The following TDP1 variants were observed in gnomAD, a reference collection of about 807,000 sequenced individuals.
TDP1 encodes tyrosyl-DNA phosphodiesterase 1.
A neutral mutation model predicts 81.5 loss-of-function variants in TDP1; 64 were observed. The ratio of observed to expected loss-of-function variants is 0.79; its 90% CI spans 0.64 to 0.97. The LOEUF (loss-of-function observed/expected upper bound fraction) is 0.97. Ranked by LOEUF, TDP1 falls within the 50% of genes least tolerant of loss-of-function variation. The pLI is 0.00. For missense variants in TDP1, 723 were observed against 743.8 expected, an observed-to-expected ratio of 0.97 and a Z score of 0.33; for synonymous variants, 256 against 264.3, an observed-to-expected ratio of 0.97 and a Z score of 0.30.
At chr14:90,028,796 G>A (rs1387794600) in intron 15 of TDP1, among the ~76,000 whole-genome samples, 1 of 152,126 alleles carries the variant, frequency 6.6e-6, no homozygotes, top group Non-Finnish European at 1.5e-5. Context: ...CATATCTGAG[G>A]TCGAATATCA....
At chr14:89,959,112 T>C (rs1892027358) in intron 2 of TDP1, among the ~76,000 whole-genome samples, 1 of 152,196 alleles carries the variant, frequency 6.6e-6, no homozygotes, top group Admixed American at 6.5e-5. Context: ...CAGGTCCCAA[T>C]CACTTCCACT....
chr14:89,983,278 T>A, intron 8 of TDP1: 1 of 374,046 alleles, frequency 2.7e-6, no homozygotes, highest in South Asian at 2.0e-5. Flanking sequence ...CCCAAAATGG[T>A]ATAGTCAGCT....
At chr14:90,029,480 T>C (rs1338524049) in intron 15 of TDP1, among the ~76,000 whole-genome samples, 9 of 149,508 alleles carry the variant, frequency 6.0e-5, no homozygotes, top group Middle Eastern at 3.5e-3. Context: ...ATTACAGGCA[T>C]GAGCCACCGC....
At chr14:89,993,995 T>C (rs933390615) in intron 14 of TDP1, among the ~76,000 whole-genome samples, 9 of 152,162 alleles carry the variant, frequency 5.9e-5, no homozygotes, top group African/African-American at 2.2e-4. Flanking sequence ...ATAATCTAAA[T>C]TTAGAATATT....
chr14:90,027,591 C>T (rs1422702381), intron 15 of TDP1, among the ~76,000 whole-genome samples: 1 of 152,136 alleles, frequency 6.6e-6, no homozygotes, highest in Non-Finnish European at 1.5e-5. Context: ...TCTGAAGTAA[C>T]TTGGTAAGAG....
At chr14:90,003,245 T>C (rs1418033857) in intron 14 of TDP1, among the ~76,000 whole-genome samples, 1 of 152,240 alleles carries the variant, frequency 6.6e-6, no homozygotes, top group Admixed American at 6.5e-5. Flanking sequence ...CATATGTGGT[T>C]AATTTTTAAA....
chr14:90,032,384 C>T (rs983193785), intron 15 of TDP1, among the ~76,000 whole-genome samples: 82 of 151,934 alleles, frequency 5.4e-4, no homozygotes, highest in African/African-American at 1.9e-3. Context: ...GAGAGACAGA[C>T]GGACAAGCAG....
At position 89,998,421 on chromosome 14, in the gene TDP1, T is replaced by A. The variant is rs1464781183; in HGVS notation, c.1541+4938T>A. Among the ~76,000 whole-genome samples the A allele has an allele frequency of 9.4e-4, 99 of 105,716 alleles. 1 individual carries two copies. Among genetic ancestry groups the A allele is most frequent in the Non-Finnish European group, 1.4e-3 (79 of 55,164 alleles). 69.4% of individuals were successfully genotyped at this position (105,716 alleles called of 152,430 possible). On this transcript the variant is annotated intron_variant, in intron 14 of 16. Coordinates refer to ENST00000335725, the MANE Select transcript of TDP1 (RefSeq NM_018319.4). ...ATATATATATATATATATATATATA[T>A]ATGTATGTATGTATGTATGTATATG...
chr14:89,981,171 C>T (rs1293612417), intron 8 of TDP1, among the ~76,000 whole-genome samples: 3 of 152,168 alleles, frequency 2.0e-5, no homozygotes, highest in Non-Finnish European at 4.4e-5. Context: ...CTAAATATTT[C>T]CCCACTCCCC....
intron 14 of TDP1, among the ~76,000 whole-genome samples, chr14:90,007,307 C>T (rs866887004): frequency 2.0e-5 from 3 of 152,004 alleles, no homozygotes; most frequent in African/African-American, 4.8e-5. Context: ...TGGCCGGACG[C>T]GGTGGCTCAC....
At chr14:89,970,195 G>T (rs188741703) in intron 5 of TDP1, among the ~76,000 whole-genome samples, 204 of 152,246 alleles carry the variant, frequency 1.3e-3, no homozygotes, top group African/African-American at 4.5e-3. Context: ...TTATTTCTAA[G>T]GATTATCTTG....
At chr14:89,986,394 T>G (rs1212415069) in intron 10 of TDP1, among the ~76,000 whole-genome samples, 1 of 152,232 alleles carries the variant, frequency 6.6e-6, no homozygotes, top group Non-Finnish European at 1.5e-5. Context: ...GAGGATTAAA[T>G]GAAATGATGA....
intron 6 of TDP1, 200 bp from the exon 7 acceptor site, chr14:89,975,581 G>GTGTT (rs1289662801): frequency 4.8e-5 from 13 of 269,280 alleles, no homozygotes; most frequent in African/African-American, 3.5e-4. Flanking sequence ...CAAAATTTGT[G>GTGTT]TTTTTTTTTT....
At chr14:89,980,483 G>T (rs1894843489) in intron 7 of TDP1, 57 bp from the exon 8 acceptor site, 1 of 1,522,292 alleles carries the variant, frequency 6.6e-7, no homozygotes, top group Non-Finnish European at 9.1e-7. Flanking sequence ...CATTGGAAAG[G>T]TATTACATAT....
At chr14:89,974,753 G>A (rs1894076103) in intron 6 of TDP1, among the ~76,000 whole-genome samples, 1 of 152,204 alleles carries the variant, frequency 6.6e-6, no homozygotes, top group Non-Finnish European at 1.5e-5. Flanking sequence ...AGAGTTAGAT[G>A]TATTTTCCAG....
intron 15 of TDP1, among the ~76,000 whole-genome samples, chr14:90,025,298 G>T (rs1886522983): frequency 6.6e-6 from 1 of 152,238 alleles, no homozygotes; most frequent in African/African-American, 2.4e-5. Flanking sequence ...AGCAGGTGGA[G>T]AACCAGCATT....
At chr14:90,026,503 C>T (rs1013838604) in intron 15 of TDP1, among the ~76,000 whole-genome samples, 4 of 152,206 alleles carry the variant, frequency 2.6e-5, no homozygotes, top group African/African-American at 9.7e-5. Flanking sequence ...GGTTCATGTG[C>T]ACAACGTGCA....
intron 15 of TDP1, among the ~76,000 whole-genome samples, chr14:90,023,859 G>C (rs1886360239): frequency 6.6e-6 from 1 of 152,158 alleles, no homozygotes; most frequent in South Asian, 2.1e-4. Flanking sequence ...TTTCTGTAGA[G>C]ATGCGGTCTT....
rs762302264 is a variant in TDP1 at position 89,963,614 on chromosome 14, AC to A, written c.502del (p.Leu168SerfsTer45). 1.9e-5 allele frequency: 30 copies of A among 1,614,012 alleles called. No homozygotes were observed. Among genetic ancestry groups the A allele is most frequent in the Middle Eastern group, 3.3e-4 (2 of 6,082 alleles). On this transcript the variant is annotated frameshift_variant, in exon 3 of 17. Coordinates refer to ENST00000335725, the MANE Select transcript of TDP1 (RefSeq NM_018319.4). LOFTEE classifies it high-confidence loss of function. Reference sequence around the variant, plus strand: ...GATAAAGGGAACCCCTTCCAGTTTTACCTCACTAGAGTCTCTGGAGTTAAGC... The same window carrying A: ...GATAAAGGGAACCCCTTCCAGTTTTACTCACTAGAGTCTCTGGAGTTAAGC... ...MLDKGNPFQF[Y>X]LTRVSGVKPK...
Sources: allele counts gnomAD v4.1 joint callset (sites outside exome capture counted in the v4.1 genomes callset), GRCh38; gene constraint gnomAD v4.1.1; transcripts MANE v1.5; gene names NCBI Gene and HGNC (gene_info 2026-07-23, HGNC 2026-07-21).